GREM2: variants seen among roughly 807,000 people sequenced by gnomAD.
The protein encoded by GREM2 is gremlin-2.
GREM2 carries 11 observed loss-of-function variants against 14.2 expected under a neutral mutation model. The ratio of observed to expected loss-of-function variants is 0.78; its 90% confidence interval spans 0.49 to 1.28. The LOEUF (loss-of-function observed/expected upper bound fraction) is 1.28, where lower values mean the gene tolerates loss of function less well. Ranked by LOEUF, GREM2 falls within the 50% of genes most tolerant of loss-of-function variation. GREM2 has a pLI of 0.00. For missense variants in GREM2, 210 were observed against 218.5 expected, an observed-to-expected ratio of 0.96 and a Z score of 0.24; for synonymous variants, 98 against 97.6, an observed-to-expected ratio of 1.00 and a Z score of -0.02.
intron 1 of GREM2, among the ~76,000 whole-genome samples, chr1:240,608,815 G>C (rs1361894446): frequency 6.6e-6 from 1 of 152,154 alleles, no homozygotes; most frequent in Non-Finnish European, 1.5e-5. Context: ...CTCTCCAAAG[G>C]GAAGAGGGCA....
chr1:240,505,462 CCATT>C (rs1677656693), intron 1 of GREM2, among the ~76,000 whole-genome samples: 1 of 151,936 alleles, frequency 6.6e-6, no homozygotes. Context: ...TAAAAAAACT[CCATT>C]CATGGGGCAT....
At chr1:240,572,018 T>A (rs930035383) in intron 1 of GREM2, among the ~76,000 whole-genome samples, 1 of 152,138 alleles carries the variant, frequency 6.6e-6, no homozygotes, top group African/African-American at 2.4e-5. Context: ...GGAGTTTGAT[T>A]ACACCCACAG....
chr1:240,511,701 C>T (rs528198268), intron 1 of GREM2, among the ~76,000 whole-genome samples: 73 of 152,108 alleles, frequency 4.8e-4, no homozygotes, highest in Non-Finnish European at 6.3e-4. Flanking sequence ...TGCGGTAAGC[C>T]GAGATTGTGA....
chr1:240,519,362 T>G (rs116065762), intron 1 of GREM2, among the ~76,000 whole-genome samples: 4,492 of 152,118 alleles, frequency 0.03, 211 homozygotes, highest in African/African-American at 0.1. Flanking sequence ...TTTCCTTTAT[T>G]TCCTTTCTTT....
intron 1 of GREM2, among the ~76,000 whole-genome samples, chr1:240,558,313 T>G (rs74974531): frequency 0.016 from 2,370 of 152,218 alleles, 62 homozygotes; most frequent in African/African-American, 0.054. Context: ...TTGAGGGTGG[T>G]TTGGCAGCTG....
chr1:240,564,095 G>A (rs1228645022), intron 1 of GREM2, among the ~76,000 whole-genome samples: 1 of 152,114 alleles, frequency 6.6e-6, no homozygotes, highest in East Asian at 1.9e-4. Context: ...TGTAGTAACA[G>A]CTACTCTGGA....
chr1:240,501,591 T>C (rs540709207), intron 1 of GREM2, among the ~76,000 whole-genome samples: 1 of 152,228 alleles, frequency 6.6e-6, no homozygotes. Flanking sequence ...AGCATTAAAT[T>C]AAATAAGGAG....
intron 1 of GREM2, among the ~76,000 whole-genome samples, chr1:240,518,614 T>A (rs1205080844): frequency 6.6e-6 from 1 of 152,212 alleles, no homozygotes; most frequent in African/African-American, 2.4e-5. Context: ...GTTGTCTAGA[T>A]CAATTAATAA....
intron 1 of GREM2, among the ~76,000 whole-genome samples, chr1:240,511,356 T>C (rs1446087039): frequency 1.3e-5 from 2 of 152,228 alleles, no homozygotes; most frequent in African/African-American, 2.4e-5. Flanking sequence ...AGCATTTTTG[T>C]TGAATTAGCT....
At chr1:240,591,523 C>T (rs914874406) in intron 1 of GREM2, among the ~76,000 whole-genome samples, 1 of 152,112 alleles carries the variant, frequency 6.6e-6, no homozygotes, top group Non-Finnish European at 1.5e-5. Flanking sequence ...TCATGTTAGT[C>T]GACGCTCACG....
At chr1:240,510,065 C>A (rs116312705) in intron 1 of GREM2, among the ~76,000 whole-genome samples, 2,998 of 152,170 alleles carry the variant, frequency 0.02, 85 homozygotes, top group African/African-American at 0.069. Context: ...AAATAATTAT[C>A]GCTCTTTAAA....
intron 1 of GREM2, among the ~76,000 whole-genome samples, chr1:240,501,851 C>T (rs1677576118): frequency 6.6e-6 from 1 of 152,116 alleles, no homozygotes; most frequent in Non-Finnish European, 1.5e-5. Flanking sequence ...CATCAAAACC[C>T]AAGAACCCTC....
chr1:240,503,381 G>A (rs551430381), intron 1 of GREM2, among the ~76,000 whole-genome samples: 30 of 152,120 alleles, frequency 2.0e-4, no homozygotes, highest in East Asian at 1.5e-3. Flanking sequence ...TAGTCTCTTC[G>A]CTGGCCTCCC....
intron 1 of GREM2, among the ~76,000 whole-genome samples, chr1:240,591,006 G>GCT (rs1679702457): frequency 9.3e-5 from 14 of 150,864 alleles, no homozygotes; most frequent in Admixed American, 5.3e-4. Context: ...GGTCTCAAAT[G>GCT]CCTGACCTCA....
chr1:240,538,628 G>A (rs1678526697), intron 1 of GREM2, among the ~76,000 whole-genome samples: 1 of 152,104 alleles, frequency 6.6e-6, no homozygotes, highest in Non-Finnish European at 1.5e-5. Flanking sequence ...TGAGGTGGGA[G>A]GATCACTTGA....
At chr1:240,549,304 C>T (rs1333208721) in intron 1 of GREM2, among the ~76,000 whole-genome samples, 1 of 149,742 alleles carries the variant, frequency 6.7e-6, no homozygotes, top group Admixed American at 6.7e-5. Flanking sequence ...CCATTACACT[C>T]TAGCCTGGGC....
chr1:240,513,147 G>A (rs1432056888), intron 1 of GREM2, among the ~76,000 whole-genome samples: 2 of 152,190 alleles, frequency 1.3e-5, no homozygotes, highest in African/African-American at 4.8e-5. Flanking sequence ...TAATTAGGTT[G>A]AATGGTTAGG....
chr1:240,587,362 C>T (rs991205810), intron 1 of GREM2, among the ~76,000 whole-genome samples: 1 of 151,558 alleles, frequency 6.6e-6, no homozygotes, highest in African/African-American at 2.4e-5. Flanking sequence ...TGCTCTGTCA[C>T]CCAGGCTGGA....
chr1:240,584,568 G>A (rs1339939910), intron 1 of GREM2, among the ~76,000 whole-genome samples: 1 of 151,472 alleles, frequency 6.6e-6, no homozygotes, highest in Non-Finnish European at 1.5e-5. Flanking sequence ...GCTGGGCATA[G>A]TGGCGTGCAC....
Sources: allele counts gnomAD v4.1 joint callset (sites outside exome capture counted in the v4.1 genomes callset), GRCh38; gene constraint gnomAD v4.1.1; transcripts MANE v1.5; gene names NCBI Gene and HGNC (gene_info 2026-07-23, HGNC 2026-07-21).